The following CYB5RL variants were observed in gnomAD, a reference collection of about 807,000 sequenced individuals.
CYB5RL encodes the protein NADH-cytochrome b5 reductase-like.
CYB5RL carries 38 observed loss-of-function variants against 37.5 expected under a neutral mutation model. That is an observed-to-expected ratio of 1.01 (90% CI 0.78 to 1.33). The LOEUF (loss-of-function observed/expected upper bound fraction) is 1.33, where lower values mean the gene tolerates loss of function less well. Ranked by LOEUF, CYB5RL falls within the 40% of genes most tolerant of loss-of-function variation. The pLI, the probability that CYB5RL is intolerant of heterozygous loss-of-function variation, is 0.00. For missense variants in CYB5RL, 388 were observed against 394.4 expected, an observed-to-expected ratio of 0.98 and a Z score of 0.14; for synonymous variants, 141 against 151.9, an observed-to-expected ratio of 0.93 and a Z score of 0.53.
intron 1 of CYB5RL, among the ~76,000 whole-genome samples, chr1:54,197,996 C>T (rs1223890413): frequency 7.1e-6 from 1 of 141,434 alleles, no homozygotes; most frequent in Non-Finnish European, 1.5e-5. Context: ...CCACTGCACT[C>T]CAGCCTGGGT....
rs1659934360 is a variant in CYB5RL at position 54,173,187 on chromosome 1, ATTAT to A, written c.*1428_*1431del. 6.6e-6 allele frequency: 1 copy of A among 152,184 alleles called. No homozygotes were observed. Among genetic ancestry groups the A allele is most frequent in the Non-Finnish European group, 1.5e-5 (1 of 68,050 alleles). 9.4% of individuals were successfully genotyped at this position (152,184 alleles called of 1,614,324 possible). A position where few individuals can be genotyped will look rare whatever the true frequency, so the allele number is the denominator to read the frequency against. On this transcript the variant is annotated 3_prime_UTR_variant, in exon 8 of 8. Transcript: ENST00000534324. ...CACCACCCCCCAGCTATGTGTCACA[ATTAT>A]TTATTAAATGTGACACAGCAGAGAG...
chr1:54,195,013 CT>C (rs1351638483), intron 3 of CYB5RL, among the ~76,000 whole-genome samples: 1 of 152,194 alleles, frequency 6.6e-6, no homozygotes, highest in African/African-American at 2.4e-5. Context: ...CCCTAACATC[CT>C]TTATTTACCT....
intron 1 of CYB5RL, among the ~76,000 whole-genome samples, chr1:54,199,561 T>C (rs1644055566): frequency 1.3e-5 from 2 of 152,234 alleles, no homozygotes; most frequent in Non-Finnish European, 2.9e-5. Context: ...GCGCAGCGCC[T>C]GACACACAGC....
chr1:54,198,892 T>C (rs938646746), intron 1 of CYB5RL, among the ~76,000 whole-genome samples: 6 of 152,094 alleles, frequency 3.9e-5, no homozygotes, highest in African/African-American at 1.2e-4. Flanking sequence ...CACCTAGGTC[T>C]CCCAAAGTGT....
intron 1 of CYB5RL, among the ~76,000 whole-genome samples, chr1:54,199,022 T>C (rs1644047187): frequency 6.6e-6 from 1 of 152,034 alleles, no homozygotes; most frequent in South Asian, 2.1e-4. Flanking sequence ...TTTTAAAGAG[T>C]TGGTTCATGC....
At chr1:54,177,065 G>A (rs1179665591) in intron 7 of CYB5RL, among the ~76,000 whole-genome samples, 2 of 152,162 alleles carry the variant, frequency 1.3e-5, no homozygotes, top group Non-Finnish European at 2.9e-5. Flanking sequence ...CGGGGAGGGC[G>A]GGCTAGGAGA....
chr1:54,189,115 G>A (rs1643927237), intron 4 of CYB5RL, among the ~76,000 whole-genome samples: 1 of 152,124 alleles, frequency 6.6e-6, no homozygotes, highest in African/African-American at 2.4e-5. Context: ...CCTGGGAGGC[G>A]GAGGTTGCAG....
At chr1:54,189,127 G>A (rs1006946793) in intron 4 of CYB5RL, among the ~76,000 whole-genome samples, 2 of 152,148 alleles carry the variant, frequency 1.3e-5, no homozygotes, top group Non-Finnish European at 2.9e-5. Flanking sequence ...AGGTTGCAGT[G>A]AGCTGAGATC....
intron 7 of CYB5RL, 71 bp from the exon 8 acceptor site, chr1:54,174,893 T>C (rs1659984618): frequency 1.3e-6 from 2 of 1,509,150 alleles, no homozygotes; most frequent in Non-Finnish European, 1.8e-6. Flanking sequence ...CAGCCAGCTC[T>C]CCTCTGCAAA....
chr1:54,182,189 T>C (rs892771623), intron 6 of CYB5RL, among the ~76,000 whole-genome samples: 6 of 152,284 alleles, frequency 3.9e-5, no homozygotes, highest in Middle Eastern at 6.8e-3. Flanking sequence ...AAGAATACTA[T>C]GGAATAGTAT....
chr1:54,177,528 C>T (rs1660049829), intron 7 of CYB5RL, among the ~76,000 whole-genome samples: 1 of 152,182 alleles, frequency 6.6e-6, no homozygotes, highest in Non-Finnish European at 1.5e-5. Context: ...TTGTGCTGTG[C>T]TGCCTTATTC....
chr1:54,176,515 G>C (rs988069343), intron 7 of CYB5RL, among the ~76,000 whole-genome samples: 3 of 152,216 alleles, frequency 2.0e-5, no homozygotes, highest in Non-Finnish European at 2.9e-5. Flanking sequence ...ATGGGCAACA[G>C]AGTGACACCC....
At chr1:54,181,492 C>T (rs112305565) in intron 6 of CYB5RL, among the ~76,000 whole-genome samples, 5 of 152,304 alleles carry the variant, frequency 3.3e-5, no homozygotes, top group Admixed American at 1.3e-4. Flanking sequence ...CCATCTGTAA[C>T]GAAGACGACT....
chr1:54,194,571 G>A (rs1643988656), intron 3 of CYB5RL, among the ~76,000 whole-genome samples: 2 of 152,204 alleles, frequency 1.3e-5, no homozygotes, highest in African/African-American at 4.8e-5. Context: ...CTCTTTGGGA[G>A]GCTGAGGCGG....
intron 7 of CYB5RL, among the ~76,000 whole-genome samples, chr1:54,178,552 G>A (rs1339838769): frequency 6.6e-6 from 1 of 152,174 alleles, no homozygotes; most frequent in South Asian, 2.1e-4. Context: ...GAGGGAGGAG[G>A]GGTCAGCAGG....
In CYB5RL at chr1:54,184,053, G is replaced by T. The variant is rs1244576087; in HGVS notation, c.540+108C>A. 3.6e-6 allele frequency: 3 copies of T among 828,084 alleles called. No homozygotes were observed. The East Asian group carries it at 8.3e-5, about 23-fold the overall frequency. 51.3% of individuals were successfully genotyped at this position (828,084 alleles called of 1,614,324 possible). On this transcript the variant is annotated intron_variant, in intron 6 of 7. Coordinates refer to ENST00000534324, the MANE Select transcript of CYB5RL (RefSeq NM_001031672.4). ...ATGTCCAACCCCAAGGATACACCTG[G>T]GATTGTGTTTGAGCTCAAGGAGAAT...
intron 6 of CYB5RL, 150 bp from the exon 7 acceptor site, chr1:54,179,502 C>T (rs960271901): frequency 2.7e-5 from 20 of 747,126 alleles, no homozygotes; most frequent in Non-Finnish European, 4.3e-5. Flanking sequence ...TCTACCTCCT[C>T]CAGAAAGCCG....
At chr1:54,184,612 C>T (rs1252110044) in intron 5 of CYB5RL, 1 of 178,958 alleles carries the variant, frequency 5.6e-6, no homozygotes, top group African/African-American at 2.3e-5. Flanking sequence ...GTCTCAGCAT[C>T]AGGGAGACAA....
chr1:54,196,595 G>A (rs947195853), intron 1 of CYB5RL, 104 bp from the exon 2 acceptor site: 6 of 152,176 alleles, frequency 3.9e-5, no homozygotes, highest in African/African-American at 1.4e-4. Context: ...ACTCAGTCAA[G>A]TAAAAAGAAT....
Sources: gnomAD v4.1 joint callset for allele counts (sites outside exome capture counted in the v4.1 genomes callset) on GRCh38, gnomAD v4.1.1 for gene constraint, MANE v1.5 for transcripts, NCBI Gene and HGNC (gene_info 2026-07-23, HGNC 2026-07-21) for gene names.